The following FRAS1 variants were observed in gnomAD, a reference collection of about 807,000 sequenced individuals.
The protein encoded by FRAS1 is Fraser extracellular matrix complex subunit 1.
A neutral mutation model predicts 435.2 loss-of-function variants in FRAS1; 290 were observed. The observed-to-expected ratio is 0.67, with a 90% confidence interval of 0.61 to 0.73. The LOEUF is 0.73. Among genes scored for constraint, FRAS1 ranks in the 30% least tolerant of loss-of-function variants. The pLI is 0.00. For synonymous variants in FRAS1, 1,800 were observed against 1,851.0 expected (o/e 0.97, Z 0.71); for missense variants, 4,860 against 5,001.5 (o/e 0.97, Z 0.85).
chr4:78,064,876 A>G (rs1578100401), intron 1 of FRAS1, among the ~76,000 whole-genome samples: 1 of 151,674 alleles, frequency 6.6e-6, no homozygotes, highest in East Asian at 1.9e-4. Flanking sequence ...CATTGTTAAG[A>G]TATGCTTCAC....
At position 78,508,860 on chromosome 4, in the gene FRAS1, A is replaced by C; in HGVS notation, c.9634A>C (p.Met3212Leu). The change falls in exon 63 of 74, where the codon ATG (methionine) becomes CTG (leucine). Residue 3212 changes from methionine (M) to leucine (L), a missense_variant. Coordinates refer to ENST00000512123, the MANE Select transcript of FRAS1 (RefSeq NM_025074.7). ...CDPHFPRYAV[M>L]KERCSEAGIN... Reference sequence around the variant, plus strand: ...CCCTCATTTCCCCAGATACGCTGTCATGAAGGAGCGCTGCAGTGAGGCCGG... The same window carrying C: ...CCCTCATTTCCCCAGATACGCTGTCCTGAAGGAGCGCTGCAGTGAGGCCGG... 6.2e-7 allele frequency: 1 copy of C among 1,613,866 alleles called. No individual in the cohort carries two copies. The highest frequency in any genetic ancestry group is 1.1e-5 in the South Asian group (1 of 91,080).
intron 2 of FRAS1, among the ~76,000 whole-genome samples, chr4:78,233,751 A>T (rs1280023557): frequency 1.3e-5 from 2 of 152,238 alleles, no homozygotes; most frequent in East Asian, 3.8e-4. Flanking sequence ...TCAGTTAATA[A>T]ATGGTGTCAC....
At chr4:78,276,615 G>A (rs747616665) in intron 9 of FRAS1, among the ~76,000 whole-genome samples, 1 of 152,238 alleles carries the variant, frequency 6.6e-6, no homozygotes, top group Non-Finnish European at 1.5e-5. Flanking sequence ...CAGCAGCGGA[G>A]GCTGCAGAAC....
chr4:78,341,104 C>T (rs1560667931), intron 20 of FRAS1, among the ~76,000 whole-genome samples: 2 of 150,736 alleles, frequency 1.3e-5, no homozygotes, highest in Non-Finnish European at 3.0e-5. Context: ...CTGACCCACA[C>T]TGGAGTGTGT....
At chr4:78,198,789 A>C (rs1192083545) in intron 2 of FRAS1, among the ~76,000 whole-genome samples, 1 of 152,204 alleles carries the variant, frequency 6.6e-6, no homozygotes, top group Non-Finnish European at 1.5e-5. Context: ...GAGGACCTTT[A>C]TGATAATCCA....
At chr4:78,404,487 A>C (rs1171073202) in intron 30 of FRAS1, among the ~76,000 whole-genome samples, 5 of 151,322 alleles carry the variant, frequency 3.3e-5, no homozygotes, top group Non-Finnish European at 7.4e-5. Context: ...CTCCTTGTCC[A>C]CTCATGGACT....
rs1730240137 is a variant in FRAS1, at chr4:78,337,889, G to C, written c.2422+72G>C. ...CGGGGCTCTTCATACCAGGCTTAAG[G>C]GGGCTCTTTGTCCTCAGTTTATGAG... is the stretch of plus-strand genomic sequence containing the variant. On this transcript the variant is annotated intron_variant, in intron 20 of 73. Coordinates refer to ENST00000512123, the MANE Select transcript of FRAS1 (RefSeq NM_025074.7). 3 of 1,495,612 alleles carry C rather than the reference G, an allele frequency of 2.0e-6. No homozygotes were observed. The East Asian group carries it at 6.8e-5, about 34-fold the overall frequency. 92.6% of individuals were successfully genotyped at this position (1,495,612 alleles called of 1,614,324 possible).
At chr4:78,272,343 T>G (rs1432852627) in intron 9 of FRAS1, among the ~76,000 whole-genome samples, 1 of 152,230 alleles carries the variant, frequency 6.6e-6, no homozygotes, top group African/African-American at 2.4e-5. Context: ...ATTTTGGCTT[T>G]TGTTGCCATT....
chr4:78,192,020 A>T (rs1008939081), intron 2 of FRAS1, among the ~76,000 whole-genome samples: 2 of 152,106 alleles, frequency 1.3e-5, no homozygotes, highest in South Asian at 4.1e-4. Flanking sequence ...ATGTGTCTTT[A>T]CAGCAGCATG....
intron 60 of FRAS1, among the ~76,000 whole-genome samples, chr4:78,497,522 A>G (rs1720541771): frequency 6.6e-6 from 1 of 152,242 alleles, no homozygotes; most frequent in African/African-American, 2.4e-5. Context: ...GAGTGAATAG[A>G]TAATAATGTT....
At chr4:78,491,781 A>G (rs1720359967) in intron 59 of FRAS1, among the ~76,000 whole-genome samples, 2 of 152,238 alleles carry the variant, frequency 1.3e-5, no homozygotes, top group South Asian at 4.1e-4. Flanking sequence ...TGTTCAACAT[A>G]GTATTAAACG....
At chr4:78,111,721 G>A (rs1221166043) in intron 2 of FRAS1, among the ~76,000 whole-genome samples, 1 of 121,374 alleles carries the variant, frequency 8.2e-6, no homozygotes, top group Non-Finnish European at 1.6e-5. Flanking sequence ...CCTGCACAAT[G>A]TGCACATGTA....
chr4:78,397,134 C>G (rs959037595), intron 29 of FRAS1, among the ~76,000 whole-genome samples: 4 of 152,152 alleles, frequency 2.6e-5, no homozygotes, highest in Non-Finnish European at 4.4e-5. Context: ...GCTTGCATCA[C>G]TGTGTTTGCA....
chr4:78,172,421 C>T (rs1721598089), intron 2 of FRAS1, among the ~76,000 whole-genome samples: 1 of 152,140 alleles, frequency 6.6e-6, no homozygotes, highest in Admixed American at 6.5e-5. Context: ...CAGAAATTTT[C>T]ATTTAATGAA....
In FRAS1 at chr4:78,208,974, AAAAAAAT is replaced by A. The variant is rs1390699434; in HGVS notation, c.109-28522_109-28516del. ...CAACAAAGTGAGACCCTGTCTCTAC[AAAAAAAT>A]AAAAAATAAAAAAATTAGCCAGGTG... On this transcript the variant is annotated intron_variant, in intron 2 of 73. Coordinates refer to ENST00000512123, the MANE Select transcript of FRAS1 (RefSeq NM_025074.7). Among the ~76,000 whole-genome samples the A allele has an allele frequency of 4.6e-5, 7 of 151,992 alleles. No homozygotes were observed. The East Asian group carries it at 1.4e-3, about 29-fold the overall frequency.
In FRAS1 at chr4:78,470,055, C is replaced by A; in HGVS notation, c.7335C>A (p.Asn2445Lys). The A allele has an allele frequency of 6.2e-7, 1 of 1,613,534 alleles. No individual in the cohort carries two copies. The highest frequency in any genetic ancestry group is 1.3e-5 in the African/African-American group (1 of 75,008). ...ATGGCACGCCTAGAATTGTCACCAACCTGGGACTCCAGTGGCTGGAATACA... is the reference window on the plus strand; with the variant it reads ...ATGGCACGCCTAGAATTGTCACCAAACTGGGACTCCAGTGGCTGGAATACA... ...VDDGTPRIVT[N>K]LGLQWLEYMD... The change falls in exon 51 of 74, where the codon AAC becomes AAA. Residue 2445 changes from asparagine to lysine, a missense_variant. Asn to Lys is a moderately conservative substitution (Grantham distance 94, BLOSUM62 0). Transcript: ENST00000512123.
intron 14 of FRAS1, among the ~76,000 whole-genome samples, chr4:78,298,030 C>CTCTATATATA (rs1253600018): frequency 6.7e-5 from 7 of 104,084 alleles, no homozygotes; most frequent in African/African-American, 1.7e-4. Context: ...CTCTCTCTCT[C>CTCTATATATA]TATATATATA....
In FRAS1 at chr4:78,407,788, G is replaced by A. The variant is rs570825961; in HGVS notation, c.4255G>A (p.Val1419Ile). Reference protein sequence around the residue: ...FTQQDINEGIVWYRHSGAPAQ... With the variant: ...FTQQDINEGIIWYRHSGAPAQ... ...CCAGCAGGACATCAATGAAGGCATC[G>A]TATGGTACAGGCACTCAGGAGCCCC... Residue 1419 changes from valine to isoleucine, a missense_variant, in exon 31 of 74, where the codon GTA becomes ATA. By Grantham distance (29) the Val-to-Ile change is conservative. Coordinates refer to ENST00000512123, the MANE Select transcript of FRAS1 (RefSeq NM_025074.7). 2.9e-5 allele frequency: 47 copies of A among 1,613,818 alleles called. No homozygotes were observed. Among genetic ancestry groups the A allele is most frequent in the Middle Eastern group, 1.7e-4 (1 of 6,060 alleles).
chr4:78,344,091 A>G (rs999240896), intron 20 of FRAS1, among the ~76,000 whole-genome samples: 1 of 122,824 alleles, frequency 8.1e-6, no homozygotes, highest in Non-Finnish European at 1.7e-5. Flanking sequence ...CCATCCCTCA[A>G]TGCCTGGTTC....
Sources: gnomAD v4.1 joint callset for allele counts (sites outside exome capture counted in the v4.1 genomes callset) on GRCh38, gnomAD v4.1.1 for gene constraint, MANE v1.5 for transcripts, NCBI Gene and HGNC (gene_info 2026-07-23, HGNC 2026-07-21) for gene names.